The following STYXL1 variants were observed in gnomAD, a reference collection of about 807,000 sequenced individuals.
The protein encoded by STYXL1 is serine/threonine/tyrosine-interacting-like protein 1.
Under a neutral mutation model 36.4 loss-of-function variants are expected in STYXL1, and 32 were observed. That is an observed-to-expected ratio of 0.88 (90% CI 0.66 to 1.18). The LOEUF is 1.18. Among genes scored for constraint, STYXL1 ranks in the 50% most tolerant of loss-of-function variants. The probability of loss-of-function intolerance (pLI) is 0.00; values close to 1 mark genes in which losing one functional copy is unlikely to be tolerated. For synonymous variants in STYXL1, 133 were observed against 144.1 expected, an observed-to-expected ratio of 0.92 and a Z score of 0.55; for missense variants, 354 against 394.1, an observed-to-expected ratio of 0.90 and a Z score of 0.86.
Position 76,032,703 on chromosome 7 carries a change from AAAAC to A in STYXL1, c.-4-2180_-4-2177del, listed in dbSNP as rs782035936. On this transcript the variant is annotated intron_variant, in intron 1 of 8. Coordinates refer to ENST00000359697, the MANE Select transcript of STYXL1 (RefSeq NM_001317785.2). ...GGTGACAGAGTAACTTTGTCTCAAA[AAAAC>A]AAACAAACAAACAAAAACAAGTAGG... Among the ~76,000 whole-genome samples the A allele has an allele frequency of 1.9e-3, 283 of 152,230 alleles. 1 individual carries two copies. Among genetic ancestry groups the A allele is most frequent in the African/African-American group, 5.7e-3 (236 of 41,542 alleles).
intron 3 of STYXL1, among the ~76,000 whole-genome samples, chr7:76,025,419 C>T (rs1171960301): frequency 1.3e-5 from 2 of 152,096 alleles, no homozygotes; most frequent in East Asian, 1.9e-4. Context: ...GACTTGAGAG[C>T]TGAGTGGGAA....
chr7:76,018,208 A>G (rs1793632493), intron 4 of STYXL1, among the ~76,000 whole-genome samples: 1 of 151,922 alleles, frequency 6.6e-6, no homozygotes, highest in Non-Finnish European at 1.5e-5. Flanking sequence ...GGGACCCTGT[A>G]CCACTAATCA....
In STYXL1 at chr7:76,028,642, C is replaced by G; in HGVS notation, c.165G>C (p.Lys55Asn). 1 of 1,613,986 alleles carries G rather than the reference C, an allele frequency of 6.2e-7. No individual in the cohort carries two copies. Among genetic ancestry groups the G allele is most frequent in the Non-Finnish European group, 8.5e-7 (1 of 1,179,938 alleles). The change falls in exon 3 of 9, where the codon AAG becomes AAC. Residue 55 changes from lysine (K) to asparagine (N), a missense_variant and splice_region_variant. Lys to Asn is a moderately conservative substitution (Grantham distance 94). Transcript: ENST00000359697. ...SHVITALRVKKKNNEYLLPES... is the reference protein window; with the variant it reads ...SHVITALRVKNKNNEYLLPES... ...CCAGATCCTGACGCTGCCCATGTAC[C>G]TTCTTCACTCGAAGGGCAGTGATCA...
intron 4 of STYXL1, among the ~76,000 whole-genome samples, chr7:76,021,296 T>A (rs1243012899): frequency 6.6e-6 from 1 of 152,064 alleles, no homozygotes; most frequent in East Asian, 1.9e-4. Flanking sequence ...TTAGCCAAGA[T>A]GGTCTCAATC....
At chr7:76,034,653 G>A (rs927326540) in intron 1 of STYXL1, among the ~76,000 whole-genome samples, 2 of 152,214 alleles carry the variant, frequency 1.3e-5, no homozygotes, top group Admixed American at 6.5e-5. Flanking sequence ...TCCGGGGCCA[G>A]GTAACTCTAT....
intron 8 of STYXL1, 51 bp from the exon 9 acceptor site, chr7:75,996,650 T>C: frequency 6.3e-7 from 1 of 1,585,086 alleles, no homozygotes; most frequent in South Asian, 1.1e-5. Context: ...CTGGGCCCTT[T>C]CCACTTGGAT....
intron 4 of STYXL1, among the ~76,000 whole-genome samples, chr7:76,021,012 T>G (rs1554575945): frequency 1.3e-5 from 2 of 152,088 alleles, no homozygotes; most frequent in Non-Finnish European, 2.9e-5. Flanking sequence ...TTGCTTGCTC[T>G]CCAACCTGCT....
chr7:75,998,192 A>G (rs914339537), intron 8 of STYXL1, among the ~76,000 whole-genome samples: 3 of 152,238 alleles, frequency 2.0e-5, no homozygotes, highest in Non-Finnish European at 4.4e-5. Context: ...TTAGTCTAAC[A>G]AAACTACAGT....
intron 4 of STYXL1, among the ~76,000 whole-genome samples, chr7:76,019,088 G>A (rs1358654406): frequency 1.3e-5 from 2 of 152,118 alleles, no homozygotes; most frequent in Non-Finnish European, 2.9e-5. Flanking sequence ...TTGATCTGCA[G>A]AATCACAATC....
chr7:76,028,821 C>T, intron 2 of STYXL1, 118 bp from the exon 3 acceptor site: 1 of 929,422 alleles, frequency 1.1e-6, no homozygotes, highest in South Asian at 1.4e-5. Context: ...TAGTCATTGT[C>T]AGTTTAAAAC....
chr7:76,025,988 C>T (rs1198135791), intron 3 of STYXL1, among the ~76,000 whole-genome samples: 2 of 150,876 alleles, frequency 1.3e-5, no homozygotes, highest in Non-Finnish European at 3.0e-5. Flanking sequence ...ATCAGAAGAT[C>T]GAGAGCATCC....
rs183427243 is a variant in STYXL1, at chr7:76,036,200, G to C, written c.-4-5673C>G. 1.8e-4 allele frequency among the ~76,000 whole-genome samples: 27 copies of C among 149,788 alleles called. 1 individual carries two copies. Among genetic ancestry groups the C allele is most frequent in the African/African-American group, 6.1e-4 (25 of 41,016 alleles). On this transcript the variant is annotated intron_variant, in intron 1 of 8. Coordinates refer to ENST00000359697, the MANE Select transcript of STYXL1 (RefSeq NM_001317785.2). ...ACTGTAACCTCCACCTCCCGGGTTC[G>C]AGTGATTCTCTCACCTCAGCTTCCT...
chr7:76,023,375 T>C (rs539210359), intron 3 of STYXL1, among the ~76,000 whole-genome samples: 13 of 152,198 alleles, frequency 8.5e-5, no homozygotes, highest in African/African-American at 3.1e-4. Flanking sequence ...GATATTATTT[T>C]ATTTTAGAGA....
rs1791928632 is a variant in STYXL1 at position 76,007,447 on chromosome 7, G to A, written c.454-2043C>T. On this transcript the variant is annotated intron_variant, in intron 5 of 8. Transcript: ENST00000359697. ...CTCAAATAAATAAAGTATACGAGAC[G>A]ATACGCTTAGGTTAGACGCAAATAC... Among the ~76,000 whole-genome samples, 5 of 152,114 alleles carry A rather than the reference G, an allele frequency of 3.3e-5. 1 individual carries two copies. Among genetic ancestry groups the A allele is most frequent in the Admixed American group, 6.6e-5 (1 of 15,256 alleles).
In STYXL1 at chr7:76,004,129, T is replaced by C. The variant is rs114865574; in HGVS notation, c.600-274A>G. Among the ~76,000 whole-genome samples, 1,077 of 152,240 alleles carry C rather than the reference T, an allele frequency of 7.1e-3. 19 individuals carry two copies. The highest frequency in any genetic ancestry group is 0.024 in the African/African-American group (1,007 of 41,562). On this transcript the variant is annotated intron_variant, in intron 6 of 8. Coordinates refer to ENST00000359697, the MANE Select transcript of STYXL1 (RefSeq NM_001317785.2). ...GTTTGTTTGAGACAGATTCCCGCTC[T>C]GTTGCCCAGGCTGGAGTGCAGTGGC...
intron 5 of STYXL1, among the ~76,000 whole-genome samples, chr7:76,010,859 C>T (rs2115706479): frequency 6.6e-6 from 1 of 152,272 alleles, no homozygotes; most frequent in South Asian, 2.1e-4. Context: ...GAGGTTGGAA[C>T]ATTAAACCGC....
chr7:76,028,798 G>C, intron 2 of STYXL1, 95 bp from the exon 3 acceptor site: 1 of 1,089,044 alleles, frequency 9.2e-7, no homozygotes, highest in Non-Finnish European at 1.4e-6. Context: ...CTATTTGTTT[G>C]GCAGTTAAGG....
rs1554565620 is a variant in STYXL1, at chr7:75,999,511, A to ATATGTGTGTGTGTGTGTG, written c.810+1378_810+1379insCACACACACACACACATA. 1.7e-4 allele frequency among the ~76,000 whole-genome samples: 16 copies of ATATGTGTGTGTGTGTGTG among 95,974 alleles called. No homozygotes were observed. The South Asian group carries it at 2.2e-3, about 13-fold the overall frequency. 63.0% of individuals were successfully genotyped at this position (95,974 alleles called of 152,430 possible). A position where few individuals can be genotyped will look rare whatever the true frequency, so the allele number is the denominator to read the frequency against. ...TTTTGTTGTGTGTGTGTGTGTGTGTATGTGTGTGTGTGTGTGTGTGTGTGT... is the reference window on the plus strand; with the variant it reads ...TTTTGTTGTGTGTGTGTGTGTGTGTATATGTGTGTGTGTGTGTGTGTGTGTGTGTGTGTGTGTGTGTGT... On this transcript the variant is annotated intron_variant, in intron 8 of 8. Coordinates refer to ENST00000359697, the MANE Select transcript of STYXL1 (RefSeq NM_001317785.2).
chr7:76,007,685 C>A (rs1791963453), intron 5 of STYXL1, among the ~76,000 whole-genome samples: 1 of 151,788 alleles, frequency 6.6e-6, no homozygotes, highest in Non-Finnish European at 1.5e-5. Context: ...CTTTGGGAGG[C>A]CAAGGTGGGA....
Sources: gnomAD v4.1 joint callset for allele counts (sites outside exome capture counted in the v4.1 genomes callset) on GRCh38, gnomAD v4.1.1 for gene constraint, MANE v1.5 for transcripts, NCBI Gene and HGNC (gene_info 2026-07-23, HGNC 2026-07-21) for gene names.